Variants in B3GLCT observed in about 807,000 individuals in gnomAD.
The protein encoded by B3GLCT is beta-1,3-glucosyltransferase.
A neutral mutation model predicts 63.4 loss-of-function variants in B3GLCT; 65 were observed. That is an observed-to-expected ratio of 1.03 (90% confidence interval 0.84 to 1.26). The LOEUF is 1.26. Among genes scored for constraint, B3GLCT ranks in the 50% most tolerant of loss-of-function variants. The probability of loss-of-function intolerance (pLI) is 0.00; values close to 1 mark genes in which losing one functional copy is unlikely to be tolerated. For missense variants in B3GLCT, 577 were observed against 604.8 expected, an observed-to-expected ratio of 0.95 and a Z score of 0.48; for synonymous variants, 233 against 219.2, an observed-to-expected ratio of 1.06 and a Z score of -0.55.
intron 13 of B3GLCT, among the ~76,000 whole-genome samples, chr13:31,319,382 T>C (rs1312569085): frequency 1.4e-5 from 1 of 69,480 alleles, no homozygotes; most frequent in Non-Finnish European, 3.9e-5. Flanking sequence ...CTCAGCCTTC[T>C]AAGAGTCATA....
chr13:31,261,143 T>C (rs1872013328), intron 7 of B3GLCT, 61 bp downstream of exon 7: 3 of 1,562,494 alleles, frequency 1.9e-6, no homozygotes, highest in Non-Finnish European at 2.6e-6. Context: ...TTTAATTTCA[T>C]TGAGTACTGT....
At chr13:31,214,814 T>C (rs1327788698) in intron 1 of B3GLCT, among the ~76,000 whole-genome samples, 1 of 152,268 alleles carries the variant, frequency 6.6e-6, no homozygotes, top group Non-Finnish European at 1.5e-5. Context: ...ATTTGTCTGA[T>C]GTACTGTTTC....
intron 1 of B3GLCT, among the ~76,000 whole-genome samples, chr13:31,209,505 G>A (rs765025171): frequency 3.3e-5 from 5 of 152,178 alleles, no homozygotes; most frequent in African/African-American, 4.8e-5. Context: ...CTCCCCCAGC[G>A]TGTTAGAAAA....
chr13:31,240,478 CT>C (rs56020130), intron 4 of B3GLCT, among the ~76,000 whole-genome samples: 36 of 138,894 alleles, frequency 2.6e-4, no homozygotes, highest in East Asian at 1.0e-3. Flanking sequence ...TTTTTTTTTT[CT>C]TTTTTTTTTT....
chr13:31,315,194 G>T (rs1041018992), intron 12 of B3GLCT, among the ~76,000 whole-genome samples: 1 of 152,226 alleles, frequency 6.6e-6, no homozygotes, highest in Non-Finnish European at 1.5e-5. Flanking sequence ...ATATGTGGAA[G>T]TGACTTTGGA....
chr13:31,280,659 G>A (rs2137869870), intron 10 of B3GLCT, among the ~76,000 whole-genome samples: 1 of 152,304 alleles, frequency 6.6e-6, no homozygotes, highest in East Asian at 1.9e-4. Flanking sequence ...TACTCTCATG[G>A]AAGAATTGAT....
chr13:31,288,230 G>A (rs1259196271), intron 12 of B3GLCT, among the ~76,000 whole-genome samples: 1 of 152,120 alleles, frequency 6.6e-6, no homozygotes, highest in Non-Finnish European at 1.5e-5. Context: ...ACTCTAGGCA[G>A]CTGTGGAATT....
At chr13:31,220,199 C>A (rs1245739418) in intron 2 of B3GLCT, among the ~76,000 whole-genome samples, 2 of 152,158 alleles carry the variant, frequency 1.3e-5, no homozygotes, top group African/African-American at 2.4e-5. Context: ...TTAAAAGATT[C>A]CATATAAAAT....
rs886235864 is a variant in B3GLCT at position 31,209,192 on chromosome 13, G to T, written c.71-5859G>T. Among the ~76,000 whole-genome samples the T allele has an allele frequency of 2.6e-5, 4 of 152,370 alleles. No individual in the cohort carries two copies. In the East Asian group the frequency reaches 7.7e-4, roughly 29 times the overall value. ...GCTGCTACCCAGCTTGTCTGCTACT[G>T]TGGGGACAGGGGACAGTGGATTTGT... is the stretch of plus-strand genomic sequence containing the variant. On this transcript the variant is annotated intron_variant, in intron 1 of 14. Coordinates refer to ENST00000343307, the MANE Select transcript of B3GLCT (RefSeq NM_194318.4).
intron 14 of B3GLCT, among the ~76,000 whole-genome samples, chr13:31,327,934 T>C (rs904342323): frequency 1.3e-5 from 2 of 152,220 alleles, no homozygotes; most frequent in African/African-American, 4.8e-5. Context: ...ATCTGAGCAG[T>C]ATATTTGTAC....
At chr13:31,269,140 A>G (rs1371137782) in intron 7 of B3GLCT, 74 bp from the exon 8 acceptor site, 2 of 969,466 alleles carry the variant, frequency 2.1e-6, no homozygotes, top group Non-Finnish European at 3.3e-6. Context: ...AAACACTAGA[A>G]AGTCTCAAGA....
chr13:31,316,211 C>G (rs1035568873), intron 12 of B3GLCT, among the ~76,000 whole-genome samples: 7 of 151,432 alleles, frequency 4.6e-5, no homozygotes, highest in Non-Finnish European at 1.0e-4. Flanking sequence ...TTCCAGACCC[C>G]AGAATGGTAA....
intron 12 of B3GLCT, among the ~76,000 whole-genome samples, chr13:31,296,207 C>T (rs542437570): frequency 6.6e-6 from 1 of 152,388 alleles, no homozygotes; most frequent in East Asian, 1.9e-4. Context: ...AAATCACCTG[C>T]CTTCTGCATT....
chr13:31,300,608 C>A (rs1174569754), intron 12 of B3GLCT, among the ~76,000 whole-genome samples: 1 of 152,024 alleles, frequency 6.6e-6, no homozygotes, highest in Non-Finnish European at 1.5e-5. Context: ...GAAACCGGTC[C>A]TTGTACAATG....
At chr13:31,268,270 G>C (rs1872424659) in intron 7 of B3GLCT, among the ~76,000 whole-genome samples, 1 of 152,102 alleles carries the variant, frequency 6.6e-6, no homozygotes, top group South Asian at 2.1e-4. Context: ...TGGTGATTTG[G>C]GTAAGTATTC....
intron 4 of B3GLCT, among the ~76,000 whole-genome samples, chr13:31,239,280 G>C (rs933242088): frequency 6.6e-6 from 1 of 152,192 alleles, no homozygotes; most frequent in African/African-American, 2.4e-5. Flanking sequence ...AGAGTTTGAA[G>C]AAGAGCTATT....
chr13:31,263,064 C>T lies in B3GLCT; in HGVS notation c.596+1982C>T, dbSNP rs113803250. Among the ~76,000 whole-genome samples, 739 of 152,280 alleles carry T rather than the reference C, an allele frequency of 4.9e-3. 10 individuals are homozygous for T. The highest frequency in any genetic ancestry group is 0.017 in the African/African-American group (716 of 41,558). On this transcript the variant is annotated intron_variant, in intron 7 of 14. Transcript: ENST00000343307. The stretch of plus-strand genomic sequence containing the variant: ...CTTCCTCCAGGGCTAAAGAGGAAAC[C>T]AGTGGGCCCAGGTAGAGCTATATGG...
chr13:31,241,184 A>C (rs1870921619), intron 4 of B3GLCT, among the ~76,000 whole-genome samples: 1 of 152,146 alleles, frequency 6.6e-6, no homozygotes, highest in East Asian at 1.9e-4. Context: ...CTTCCTGGAG[A>C]AGTCTACACC....
At chr13:31,309,239 G>T (rs1874571095) in intron 12 of B3GLCT, among the ~76,000 whole-genome samples, 1 of 152,112 alleles carries the variant, frequency 6.6e-6, no homozygotes, top group Non-Finnish European at 1.5e-5. Flanking sequence ...AACATCAATT[G>T]TTCCTGAAAA....
Sources: allele counts gnomAD v4.1 joint callset (sites outside exome capture counted in the v4.1 genomes callset), GRCh38; gene constraint gnomAD v4.1.1; transcripts MANE v1.5; gene names NCBI Gene and HGNC (gene_info 2026-07-23, HGNC 2026-07-21).